COL19A1: variants seen among roughly 807,000 people sequenced by gnomAD.
COL19A1 encodes the protein collagen alpha-1(XIX) chain.
Under a neutral mutation model 190.2 loss-of-function variants are expected in COL19A1, and 159 were observed. The ratio of observed to expected loss-of-function variants is 0.84; its 90% confidence interval spans 0.73 to 0.95. The LOEUF is 0.95. Ranked by LOEUF, COL19A1 falls within the 40% of genes least tolerant of loss-of-function variation. The pLI is 0.00. For missense variants in COL19A1, 1,418 were observed against 1,431.9 expected, an observed-to-expected ratio of 0.99 and a Z score of 0.16; for synonymous variants, 509 against 458.9, an observed-to-expected ratio of 1.11 and a Z score of -1.39.
chr6:69,921,145 CAT>C (rs935592617), intron 4 of COL19A1, among the ~76,000 whole-genome samples: 2 of 125,268 alleles, frequency 1.6e-5, no homozygotes, highest in Non-Finnish European at 3.1e-5. Flanking sequence ...ATATATATCA[CAT>C]ATGTATCACG....
intron 47 of COL19A1, 47 bp downstream of exon 47, chr6:70,188,292 T>C: frequency 9.8e-6 from 15 of 1,529,322 alleles, no homozygotes; most frequent in South Asian, 4.0e-5. Flanking sequence ...GTACCGACCA[T>C]GTATCCCTTT....
intron 31 of COL19A1, among the ~76,000 whole-genome samples, chr6:70,153,899 T>G (rs965122822): frequency 1.1e-4 from 16 of 152,058 alleles, no homozygotes; most frequent in Non-Finnish European, 2.9e-5. Flanking sequence ...CATATAACCC[T>G]AGTTCCCTTT....
chr6:70,135,478 G>A (rs1351146386), intron 18 of COL19A1, among the ~76,000 whole-genome samples: 1 of 152,124 alleles, frequency 6.6e-6, no homozygotes, highest in Non-Finnish European at 1.5e-5. Flanking sequence ...GACGCTTATT[G>A]CTTTGGGGAT....
intron 14 of COL19A1, among the ~76,000 whole-genome samples, chr6:70,051,111 A>G (rs1780177214): frequency 6.6e-6 from 1 of 152,118 alleles, no homozygotes; most frequent in Admixed American, 6.6e-5. Flanking sequence ...AAGGAATTCA[A>G]TTTCCTTTAG....
chr6:70,162,016 T>C, intron 35 of COL19A1, 63 bp downstream of exon 35: 1 of 1,446,236 alleles, frequency 6.9e-7, no homozygotes, highest in South Asian at 1.3e-5. Context: ...GCAAGGTGAA[T>C]TAATTTTCTT....
chr6:69,986,217 C>T (rs1776303011), intron 11 of COL19A1, among the ~76,000 whole-genome samples: 1 of 103,328 alleles, frequency 9.7e-6, no homozygotes, highest in South Asian at 4.0e-4. Context: ...ATGACTTACA[C>T]GTTTTATATA....
chr6:69,951,121 A>T (rs978346132), intron 9 of COL19A1, among the ~76,000 whole-genome samples: 3 of 151,908 alleles, frequency 2.0e-5, no homozygotes, highest in Non-Finnish European at 4.4e-5. Context: ...TGGAGTAAGT[A>T]TGAAGTAAAT....
At chr6:70,164,940 T>C (rs2150263966) in intron 36 of COL19A1, among the ~76,000 whole-genome samples, 1 of 152,354 alleles carries the variant, frequency 6.6e-6, no homozygotes, top group East Asian at 1.9e-4. Context: ...AAAGATTTTA[T>C]GATACTTTCG....
chr6:69,940,829 G>T (rs1773422067), intron 9 of COL19A1, among the ~76,000 whole-genome samples: 1 of 152,054 alleles, frequency 6.6e-6, no homozygotes, highest in Non-Finnish European at 1.5e-5. Context: ...AACCTTCCTG[G>T]CACTTGAAAT....
intron 9 of COL19A1, among the ~76,000 whole-genome samples, chr6:69,955,522 AGT>A (rs60501043): frequency 0.17 from 23,549 of 138,566 alleles, 1,571 homozygotes; most frequent in African/African-American, 0.22. Flanking sequence ...GCCACAGCAA[AGT>A]GTGTGTGTGT....
intron 42 of COL19A1, among the ~76,000 whole-genome samples, chr6:70,178,441 C>T (rs553145103): frequency 6.6e-6 from 1 of 152,220 alleles, no homozygotes; most frequent in South Asian, 2.1e-4. Context: ...AAAAAATTTA[C>T]ATACTACAAA....
chr6:70,180,280 T>G lies in COL19A1; in HGVS notation c.2668-32T>G. 1.9e-6 allele frequency: 3 copies of G among 1,613,820 alleles called. No homozygotes were observed. In the South Asian group the frequency reaches 3.3e-5, roughly 18 times the overall value. ...ATATGGTGTCGTTCAGCAATTTGGCTCCTAACATTTCTCTTCAATTTGCCT... is the reference window on the plus strand; with the variant it reads ...ATATGGTGTCGTTCAGCAATTTGGCGCCTAACATTTCTCTTCAATTTGCCT... On this transcript the variant is annotated intron_variant, in intron 42 of 50. Coordinates refer to ENST00000620364, the MANE Select transcript of COL19A1 (RefSeq NM_001858.6).
chr6:69,931,847 AT>A (rs886369767), intron 6 of COL19A1, among the ~76,000 whole-genome samples: 70 of 152,038 alleles, frequency 4.6e-4, no homozygotes, highest in Admixed American at 1.0e-3. Context: ...AAAGTTATAG[AT>A]TTTTCCCCCC....
At chr6:69,904,008 A>G (rs927508019) in intron 4 of COL19A1, among the ~76,000 whole-genome samples, 3 of 152,176 alleles carry the variant, frequency 2.0e-5, no homozygotes, top group Non-Finnish European at 4.4e-5. Context: ...CCTCCCATCA[A>G]GGCAAACTGA....
intron 4 of COL19A1, among the ~76,000 whole-genome samples, chr6:69,922,477 G>GTTTTTTTT (rs5877232): frequency 5.5e-5 from 5 of 90,806 alleles, no homozygotes; most frequent in African/African-American, 2.0e-4. Context: ...TTCTATTTAG[G>GTTTTTTTT]TTTTTTTTTT....
intron 4 of COL19A1, among the ~76,000 whole-genome samples, chr6:69,901,129 A>G (rs1289835899): frequency 2.2e-5 from 3 of 133,650 alleles, no homozygotes; most frequent in African/African-American, 3.4e-5. Flanking sequence ...ATATACCGCA[A>G]TAAAAACCCT....
intron 39 of COL19A1, 74 bp from the exon 40 acceptor site, chr6:70,168,581 G>T: frequency 6.8e-7 from 1 of 1,481,062 alleles, no homozygotes; most frequent in Non-Finnish European, 9.3e-7. Flanking sequence ...AAGGCAAATT[G>T]GACAACAGTG....
chr6:69,975,325 A>C (rs1775655427), intron 11 of COL19A1, among the ~76,000 whole-genome samples: 1 of 152,186 alleles, frequency 6.6e-6, no homozygotes, highest in African/African-American at 2.4e-5. Context: ...TTATTCTAGC[A>C]CTTTGAGCAG....
chr6:69,992,230 G>T (rs1776666397), intron 11 of COL19A1, among the ~76,000 whole-genome samples: 1 of 151,954 alleles, frequency 6.6e-6, no homozygotes, highest in Non-Finnish European at 1.5e-5. Context: ...TTATTTCTGG[G>T]TTCTCTAACC....
Sources: allele counts gnomAD v4.1 joint callset (sites outside exome capture counted in the v4.1 genomes callset), GRCh38; gene constraint gnomAD v4.1.1; transcripts MANE v1.5; gene names NCBI Gene and HGNC (gene_info 2026-07-23, HGNC 2026-07-21).